Variants in P4HA1 observed in about 807,000 individuals in gnomAD.
P4HA1 encodes prolyl 4-hydroxylase subunit alpha-1.
In P4HA1, 24 loss-of-function variants were observed where a neutral mutation model predicts 72.8. That is an observed-to-expected ratio of 0.33 (90% CI 0.24 to 0.46). The LOEUF is 0.46. P4HA1 is among the 20% of genes least tolerant of loss of function. The probability of loss-of-function intolerance (pLI) is 1.00; values close to 1 mark genes in which losing one functional copy is unlikely to be tolerated. For missense variants in P4HA1, 446 were observed against 640.6 expected, an observed-to-expected ratio of 0.70 and a Z score of 3.28; for synonymous variants, 201 against 218.8, an observed-to-expected ratio of 0.92 and a Z score of 0.72.
chr10:73,038,621 GCTT>G (rs1394597793), intron 9 of P4HA1, among the ~76,000 whole-genome samples: 1 of 127,628 alleles, frequency 7.8e-6, no homozygotes, highest in Non-Finnish European at 1.6e-5. Flanking sequence ...GTTTTTATTT[GCTT>G]TTTTTTTTTT....
At chr10:73,066,128 C>T (rs904317772) in intron 5 of P4HA1, among the ~76,000 whole-genome samples, 6 of 152,152 alleles carry the variant, frequency 3.9e-5, no homozygotes, top group African/African-American at 1.4e-4. Context: ...TGATATTTGA[C>T]TATTAACAAC....
chr10:73,024,036 T>C (rs112434380), intron 10 of P4HA1, among the ~76,000 whole-genome samples: 13 of 152,234 alleles, frequency 8.5e-5, no homozygotes, highest in African/African-American at 2.9e-4. Flanking sequence ...CACACAATAA[T>C]AATGAGAGAC....
At chr10:73,042,628 ATACT>A (rs1444643493) in intron 9 of P4HA1, among the ~76,000 whole-genome samples, 1 of 151,956 alleles carries the variant, frequency 6.6e-6, no homozygotes. Flanking sequence ...ATATTTTTTA[ATACT>A]TGGACATTTT....
chr10:73,073,370 T>C (rs1029529495), intron 3 of P4HA1, among the ~76,000 whole-genome samples: 13 of 151,672 alleles, frequency 8.6e-5, no homozygotes, highest in Non-Finnish European at 2.9e-5. Context: ...TACAGGCACA[T>C]GCTACCACAC....
chr10:73,019,349 A>G (rs76113610), intron 10 of P4HA1, among the ~76,000 whole-genome samples: 16,215 of 152,220 alleles, frequency 0.11, 1,252 homozygotes, highest in East Asian at 0.29. Flanking sequence ...ACATCAATGC[A>G]GGAAACAAGA....
intron 1 of P4HA1, among the ~76,000 whole-genome samples, chr10:73,082,196 G>C (rs1213999325): frequency 2.6e-5 from 4 of 152,148 alleles, no homozygotes; most frequent in Non-Finnish European, 4.4e-5. Context: ...GGTGTGCTAG[G>C]CTAAGCTATG....
intron 5 of P4HA1, chr10:73,065,365 A>G (rs1841395544): frequency 6.6e-6 from 1 of 152,208 alleles, no homozygotes; most frequent in Non-Finnish European, 1.5e-5. Flanking sequence ...AATGCATGTA[A>G]CCTATCAGAT....
At chr10:73,090,867 C>T (rs1341636682) in intron 1 of P4HA1, among the ~76,000 whole-genome samples, 1 of 151,686 alleles carries the variant, frequency 6.6e-6, no homozygotes, top group Non-Finnish European at 1.5e-5. Context: ...TCGAGACCCG[C>T]CCGGCCAAGA....
chr10:73,045,022 T>C lies in P4HA1; in HGVS notation c.1107A>G (p.Ile369Met). 4 of 1,613,686 alleles carry C rather than the reference T, an allele frequency of 2.5e-6. No individual in the cohort carries two copies. The highest frequency in any genetic ancestry group is 3.4e-6 in the Non-Finnish European group (4 of 1,179,700). The change falls in exon 9 of 15, where the codon ATA becomes ATG. Residue 369 changes from isoleucine (I) to methionine (M), a missense_variant. By Grantham distance (10) the Ile-to-Met change is conservative. Coordinates refer to ENST00000394890, the MANE Select transcript of P4HA1 (RefSeq NM_001017962.3). Reference protein sequence around the residue: ...RLRRATISNPITGDLETVHYR... With the variant: ...RLRRATISNPMTGDLETVHYR... ...AATGTACCGTCTCCAAGTCTCCTGT[T>C]ATTGGGTTTGAAATGGTGGCTCGCC...
Position 73,053,543 on chromosome 10 carries a change from C to G in P4HA1, c.511G>C (p.Gly171Arg), listed in dbSNP as rs533814117. 1 of 1,613,984 alleles carries G rather than the reference C, an allele frequency of 6.2e-7. No individual in the cohort carries two copies. Among genetic ancestry groups the G allele is most frequent in the East Asian group, 2.2e-5 (1 of 44,864 alleles). Reference protein sequence around the residue: ...FLTAEDCFELGKVAYTEADYY... With the variant: ...FLTAEDCFELRKVAYTEADYY... ...TCTGCTTCTGTATAGGCCACTTTGC[C>G]CAACTCAAAGCAGTCCTCAGCCGTT... The change falls in exon 6 of 15, where the codon GGC (glycine) becomes CGC (arginine). Residue 171 changes from glycine to arginine, a missense_variant. By Grantham distance (125) the Gly-to-Arg change is moderately radical. Coordinates refer to ENST00000394890, the MANE Select transcript of P4HA1 (RefSeq NM_001017962.3).
chr10:73,060,754 C>T (rs918149654), intron 5 of P4HA1, among the ~76,000 whole-genome samples: 1 of 152,094 alleles, frequency 6.6e-6, no homozygotes, highest in African/African-American at 2.4e-5. Context: ...ATGCTCCCCA[C>T]TGGCCTAAAA....
At chr10:73,031,470 G>A (rs1306451912) in intron 9 of P4HA1, among the ~76,000 whole-genome samples, 2 of 152,254 alleles carry the variant, frequency 1.3e-5, no homozygotes, top group Non-Finnish European at 2.9e-5. Flanking sequence ...GGGTGACAGA[G>A]TGAGACCCTG....
chr10:73,039,854 C>CTTTTTTTTTTTTTTTTT (rs765288935), intron 9 of P4HA1, among the ~76,000 whole-genome samples: 1 of 86,998 alleles, frequency 1.1e-5, no homozygotes, highest in African/African-American at 5.3e-5. Flanking sequence ...CTGAGATGGC[C>CTTTTTTTTTTTTTTTTT]TTTTTTTTTT....
intron 5 of P4HA1, 79 bp from the exon 6 acceptor site, chr10:73,053,669 T>C (rs1564629931): frequency 1.6e-6 from 2 of 1,254,896 alleles, no homozygotes; most frequent in Non-Finnish European, 2.2e-6. Flanking sequence ...GCTTTCAAAA[T>C]GCTGTCTCAC....
In P4HA1 at chr10:73,012,687, G is replaced by A. The variant is rs143619858; in HGVS notation, c.1368+1537C>T. 8.9e-4 allele frequency among the ~76,000 whole-genome samples: 136 copies of A among 152,292 alleles called. No individual in the cohort carries two copies. In the East Asian group the frequency reaches 9.4e-3, roughly 11 times the overall value. On this transcript the variant is annotated intron_variant, in intron 12 of 14. Transcript: ENST00000394890. ...GACTGAACAGACAGATTTTGGTAGG[G>A]AGTGAGATACTACAGACAACAAAAA...
At chr10:73,012,031 A>G (rs1054243218) in intron 12 of P4HA1, among the ~76,000 whole-genome samples, 2 of 152,230 alleles carry the variant, frequency 1.3e-5, no homozygotes, top group Admixed American at 6.5e-5. Context: ...GAGATATTCT[A>G]TGTGCCCCTC....
At chr10:73,073,696 G>A (rs764218205) in intron 3 of P4HA1, 35 bp downstream of exon 3, 3 of 929,374 alleles carry the variant, frequency 3.2e-6, no homozygotes, top group Non-Finnish European at 5.4e-6. Flanking sequence ...CATCCAGGTT[G>A]AGTCAGAGTC....
At chr10:73,024,481 A>T (rs1840217448) in intron 10 of P4HA1, among the ~76,000 whole-genome samples, 1 of 152,252 alleles carries the variant, frequency 6.6e-6, no homozygotes, top group Non-Finnish European at 1.5e-5. Flanking sequence ...TCTCTGGGAC[A>T]CATTTAAAGC....
intron 4 of P4HA1, among the ~76,000 whole-genome samples, chr10:73,070,141 C>A (rs146524037): frequency 0.12 from 13,080 of 112,500 alleles, 1,059 homozygotes; most frequent in East Asian, 0.36. Context: ...AGAGACCAGG[C>A]CTTTTTTTTT....
Sources: gnomAD v4.1 joint callset for allele counts (sites outside exome capture counted in the v4.1 genomes callset) on GRCh38, gnomAD v4.1.1 for gene constraint, MANE v1.5 for transcripts, NCBI Gene and HGNC (gene_info 2026-07-23, HGNC 2026-07-21) for gene names.